The following DPP10 variants were observed in gnomAD, a reference collection of about 807,000 sequenced individuals.
DPP10 encodes the protein inactive dipeptidyl peptidase 10.
A neutral mutation model predicts 120.9 loss-of-function variants in DPP10; 33 were observed. The ratio of observed to expected loss-of-function variants is 0.27; its 90% CI spans 0.21 to 0.37. The LOEUF (loss-of-function observed/expected upper bound fraction) is 0.37. DPP10 is among the 10% of genes least tolerant of loss of function. DPP10 has a pLI of 1.00. For missense variants in DPP10, 816 were observed against 942.8 expected (o/e 0.87, Z 1.76); for synonymous variants, 337 against 326.1 (o/e 1.03, Z -0.36).
At chr2:115,836,622 T>C in intron 23 of DPP10, 52 bp from the exon 24 acceptor site, 1 of 1,609,156 alleles carries the variant, frequency 6.2e-7, no homozygotes. Context: ...AAAAATTAGT[T>C]AAATGGCTTA....
intron 13 of DPP10, among the ~76,000 whole-genome samples, chr2:115,770,034 C>T (rs537957454): frequency 7.9e-5 from 12 of 152,132 alleles, no homozygotes; most frequent in South Asian, 2.1e-4. Context: ...AAAAGTTGTA[C>T]GTCTTTGTGT....
At chr2:115,397,758 T>G (rs2104453827) in intron 3 of DPP10, among the ~76,000 whole-genome samples, 1 of 152,336 alleles carries the variant, frequency 6.6e-6, no homozygotes, top group East Asian at 1.9e-4. Context: ...TCCGGTTACT[T>G]GAATTTCTTG....
At chr2:115,816,272 C>T (rs1687216826) in intron 21 of DPP10, among the ~76,000 whole-genome samples, 2 of 152,106 alleles carry the variant, frequency 1.3e-5, no homozygotes, top group Admixed American at 1.3e-4. Flanking sequence ...AAGCTAACTG[C>T]AGAAGCGCGG....
intron 1 of DPP10, among the ~76,000 whole-genome samples, chr2:114,477,854 AATATATGT>A (rs1558794621): frequency 2.8e-5 from 2 of 71,942 alleles, no homozygotes; most frequent in East Asian, 6.1e-4. Context: ...TGCATGTATA[AATATATGT>A]ATATATGTAC....
intron 1 of DPP10, among the ~76,000 whole-genome samples, chr2:114,685,816 C>T (rs1003422394): frequency 3.9e-5 from 6 of 151,946 alleles, no homozygotes; most frequent in Non-Finnish European, 7.4e-5. Context: ...TATTCCTTGT[C>T]CGTGTGATCA....
chr2:114,938,342 CATT>C (rs143821655), intron 1 of DPP10, among the ~76,000 whole-genome samples: 1,580 of 151,956 alleles, frequency 0.01, 34 homozygotes, highest in African/African-American at 0.036. Context: ...TAGGTTTTTC[CATT>C]ATAATTAATG....
rs573947309 is a variant in DPP10 at position 115,214,430 on chromosome 2, G to A, written c.61-94809G>A. Among the ~76,000 whole-genome samples the A allele has an allele frequency of 2.0e-5, 3 of 152,268 alleles. No individual in the cohort carries two copies. The East Asian group carries it at 5.8e-4, about 29-fold the overall frequency. On this transcript the variant is annotated intron_variant, in intron 1 of 25. Coordinates refer to ENST00000410059, the MANE Select transcript of DPP10 (RefSeq NM_020868.6). ...TGGTATGAAATTGTTAAACTCTGTG[G>A]ATTTTAAATGGCCTTTTGAAATTAT...
chr2:115,415,839 T>TATATATA (rs1553592773), intron 3 of DPP10, among the ~76,000 whole-genome samples: 2 of 43,524 alleles, frequency 4.6e-5, no homozygotes, highest in African/African-American at 1.3e-4. Context: ...CCTGATTTGC[T>TATATATA]TTTATATATA....
chr2:114,912,707 C>T lies in DPP10; in HGVS notation c.61-396532C>T, dbSNP rs377243365. ...TGAGCACCAGGACTCATTTTGGCCC[C>T]AAGCAGCTCCCAGGGAAAAGGTGAG... On this transcript the variant is annotated intron_variant, in intron 1 of 25. Coordinates refer to ENST00000410059, the MANE Select transcript of DPP10 (RefSeq NM_020868.6). 1.8e-4 allele frequency among the ~76,000 whole-genome samples: 28 copies of T among 152,288 alleles called. No individual in the cohort carries two copies. In the East Asian group the frequency reaches 4.7e-3, roughly 25 times the overall value.
chr2:114,613,857 C>G (rs1693468170), intron 1 of DPP10, among the ~76,000 whole-genome samples: 1 of 152,090 alleles, frequency 6.6e-6, no homozygotes, highest in East Asian at 1.9e-4. Context: ...TCTCAGCAAA[C>G]TAATACAGGA....
intron 1 of DPP10, among the ~76,000 whole-genome samples, chr2:114,683,494 C>T: frequency 1.3e-5 from 2 of 151,100 alleles, no homozygotes; most frequent in Non-Finnish European, 3.0e-5. Flanking sequence ...TCCTTCCCTT[C>T]CCTTCCCTTT....
At chr2:115,010,537 T>C (rs938853447) in intron 1 of DPP10, among the ~76,000 whole-genome samples, 1 of 152,136 alleles carries the variant, frequency 6.6e-6, no homozygotes, top group African/African-American at 2.4e-5. Flanking sequence ...TTGAGATATA[T>C]ATATGTATGT....
chr2:114,505,344 AT>A (rs749160311), intron 1 of DPP10, among the ~76,000 whole-genome samples: 6 of 152,108 alleles, frequency 3.9e-5, no homozygotes. Context: ...GATAAAGGTT[AT>A]TTTAGCAAGC....
At chr2:114,873,456 T>C (rs1436514436) in intron 1 of DPP10, among the ~76,000 whole-genome samples, 1 of 152,096 alleles carries the variant, frequency 6.6e-6, no homozygotes, top group Non-Finnish European at 1.5e-5. Context: ...TCATGTGCAT[T>C]TTGTTTTGCC....
Position 114,690,718 on chromosome 2 carries a change from T to G in DPP10, c.60+247880T>G, listed in dbSNP as rs190486377. Among the ~76,000 whole-genome samples the G allele has an allele frequency of 4.2e-3, 634 of 152,292 alleles. 3 individuals carry two copies. The highest frequency in any genetic ancestry group is 0.014 in the African/African-American group (597 of 41,570). ...TATTGATTCTTCCTATCTACGAGCATGGAATGTTTCTCCATTTATTTGTGT... is the reference window on the plus strand; with the variant it reads ...TATTGATTCTTCCTATCTACGAGCAGGGAATGTTTCTCCATTTATTTGTGT... On this transcript the variant is annotated intron_variant, in intron 1 of 25. Transcript: ENST00000410059.
In DPP10 at chr2:115,565,780, T is replaced by G. The variant is rs560271268; in HGVS notation, c.441+39808T>G. Among the ~76,000 whole-genome samples, 38 of 140,692 alleles carry G rather than the reference T, an allele frequency of 2.7e-4. 1 individual carries two copies. Among genetic ancestry groups the G allele is most frequent in the East Asian group, 1.8e-3 (9 of 4,912 alleles). 92.3% of individuals were successfully genotyped at this position (140,692 alleles called of 152,430 possible). ...TTTTTGTTTGTTTTGTTTTTTTTTGTTTTTTTTTGTTTTTTTTTTTTCTTT... is the reference window on the plus strand; with the variant it reads ...TTTTTGTTTGTTTTGTTTTTTTTTGGTTTTTTTTGTTTTTTTTTTTTCTTT... On this transcript the variant is annotated intron_variant, in intron 5 of 25. Transcript: ENST00000410059.
chr2:115,595,896 A>G (rs1007563295), intron 5 of DPP10, among the ~76,000 whole-genome samples: 1 of 152,044 alleles, frequency 6.6e-6, no homozygotes, highest in Non-Finnish European at 1.5e-5. Context: ...TATGCTTTGT[A>G]TATAGAATTG....
chr2:114,805,263 C>G lies in DPP10; in HGVS notation c.60+362425C>G, dbSNP rs1220201274. ...TTGGCAGCATTAAAACAGACTGATA[C>G]ACAAAGAATGTACATTTAGTAGTTG... On this transcript the variant is annotated intron_variant, in intron 1 of 25. Transcript: ENST00000410059. Among the ~76,000 whole-genome samples, 4 of 152,124 alleles carry G rather than the reference C, an allele frequency of 2.6e-5. No individual in the cohort carries two copies. The East Asian group carries it at 7.7e-4, about 29-fold the overall frequency.
At chr2:115,320,277 A>C (rs912562166) in intron 2 of DPP10, among the ~76,000 whole-genome samples, 5 of 152,194 alleles carry the variant, frequency 3.3e-5, no homozygotes, top group Non-Finnish European at 7.4e-5. Flanking sequence ...AAAGCAAGTA[A>C]GTGAATTTTA....
Sources: gnomAD v4.1 joint callset for allele counts (sites outside exome capture counted in the v4.1 genomes callset) on GRCh38, gnomAD v4.1.1 for gene constraint, MANE v1.5 for transcripts, NCBI Gene and HGNC (gene_info 2026-07-23, HGNC 2026-07-21) for gene names.